FRY: variants seen among roughly 807,000 people sequenced by gnomAD.
The protein encoded by FRY is protein furry homolog.
A neutral mutation model predicts 348.4 loss-of-function variants in FRY; 128 were observed. The ratio of observed to expected loss-of-function variants is 0.37; its 90% CI spans 0.32 to 0.43. The LOEUF (loss-of-function observed/expected upper bound fraction) is 0.43. FRY is among the 20% of genes least tolerant of loss of function. The probability of loss-of-function intolerance (pLI) is 1.00; values close to 1 mark genes in which losing one functional copy is unlikely to be tolerated. For synonymous variants in FRY, 1,370 were observed against 1,374.7 expected (o/e 1.00, Z 0.08); for missense variants, 2,736 against 3,695.2 (o/e 0.74, Z 6.73).
intron 1 of FRY, among the ~76,000 whole-genome samples, chr13:32,077,788 G>A (rs1163246752): frequency 6.6e-6 from 1 of 152,066 alleles, no homozygotes; most frequent in African/African-American, 2.4e-5. Context: ...TCTTGATGTC[G>A]CATCCAGTGT....
chr13:32,258,093 AT>A, intron 51 of FRY: 2 of 782,858 alleles, frequency 2.6e-6, no homozygotes, highest in Non-Finnish European at 4.5e-6. Context: ...TTGCGTGCAT[AT>A]TTCCATTTAG....
Position 32,208,989 on chromosome 13 carries a change from G to GGACGAAGTCAAGGACT in FRY, c.4170_4171insTGACGAAGTCAAGGAC (p.Arg1391Ter). On this transcript the variant is annotated frameshift_variant, in exon 32 of 61. Coordinates refer to ENST00000542859, the MANE Select transcript of FRY (RefSeq NM_023037.3). LOFTEE classifies it high-confidence loss of function. Reference sequence around the variant, plus strand: ...CGGGGTCGAGCCCCAGCAGCCCAGAGGACGAAGTCAAGGACCGGGAAGGTG... The same window carrying GGACGAAGTCAAGGACT: ...CGGGGTCGAGCCCCAGCAGCCCAGAGGACGAAGTCAAGGACTGACGAAGTCAAGGACCGGGAAGGTG... The GGACGAAGTCAAGGACT allele has an allele frequency of 6.2e-7, 1 of 1,614,192 alleles. No homozygotes were observed. Among genetic ancestry groups the GGACGAAGTCAAGGACT allele is most frequent in the Non-Finnish European group, 8.5e-7 (1 of 1,180,036 alleles).
At chr13:32,224,012 C>T (rs376322439) in intron 36 of FRY, among the ~76,000 whole-genome samples, 3 of 152,118 alleles carry the variant, frequency 2.0e-5, no homozygotes, top group African/African-American at 7.2e-5. Context: ...GCTGGGATTA[C>T]AGGCATGAGC....
intron 1 of FRY, among the ~76,000 whole-genome samples, chr13:32,051,544 C>G (rs1374664726): frequency 3.3e-5 from 5 of 152,184 alleles, no homozygotes; most frequent in Non-Finnish European, 7.3e-5. Context: ...CGAGTATACT[C>G]TATTTACAAG....
At chr13:32,207,725 T>G (rs1296750168) in intron 31 of FRY, among the ~76,000 whole-genome samples, 1 of 152,190 alleles carries the variant, frequency 6.6e-6, no homozygotes, top group African/African-American at 2.4e-5. Flanking sequence ...AAATAAAAAA[T>G]TATAATTTTA....
At chr13:32,179,646 C>G (rs750031867) in intron 22 of FRY, 29 bp from the exon 23 acceptor site, 2 of 1,612,998 alleles carry the variant, frequency 1.2e-6, no homozygotes, top group Non-Finnish European at 1.7e-6. Context: ...CATGTTACCT[C>G]TTTTTCACTT....
rs1354918583 is a variant in FRY at position 32,208,430 on chromosome 13, TCCCATTTTA to T, written c.4019-420_4019-412del. Among the ~76,000 whole-genome samples the T allele has an allele frequency of 2.2e-4, 34 of 152,338 alleles. 1 individual carries two copies. In the South Asian group the frequency reaches 6.8e-3, roughly 31 times the overall value. Reference sequence around the variant, plus strand: ...GTAGCCTGATGTGGGGCCCTATCAGTCCCATTTTACCGACAAGGGAACTGAGGAGCAGAG... The same window carrying T: ...GTAGCCTGATGTGGGGCCCTATCAGTCCGACAAGGGAACTGAGGAGCAGAG... On this transcript the variant is annotated intron_variant, in intron 31 of 60. Coordinates refer to ENST00000542859, the MANE Select transcript of FRY (RefSeq NM_023037.3).
chr13:32,172,224 G>T (rs1019472270), intron 18 of FRY, among the ~76,000 whole-genome samples: 1 of 152,038 alleles, frequency 6.6e-6, no homozygotes, highest in Non-Finnish European at 1.5e-5. Context: ...AAATGTGGAT[G>T]TGATAGGGAT....
chr13:32,075,545 G>A (rs1874990885), intron 1 of FRY, among the ~76,000 whole-genome samples: 1 of 152,190 alleles, frequency 6.6e-6, no homozygotes, highest in African/African-American at 2.4e-5. Context: ...GAGAGGGTCT[G>A]ATGATTTTCT....
chr13:32,180,977 G>A (rs534432256), intron 23 of FRY, among the ~76,000 whole-genome samples: 1 of 151,972 alleles, frequency 6.6e-6, no homozygotes, highest in East Asian at 2.0e-4. Context: ...TGCAACCTCC[G>A]CCTTCCAGGT....
intron 31 of FRY, among the ~76,000 whole-genome samples, chr13:32,206,501 T>A (rs1245525063): frequency 6.6e-6 from 1 of 152,032 alleles, no homozygotes; most frequent in African/African-American, 2.4e-5. Context: ...TGAGAAAGAA[T>A]GTAGAAAGAG....
At chr13:32,210,355 G>T (rs1279603482) in intron 33 of FRY, among the ~76,000 whole-genome samples, 1 of 152,226 alleles carries the variant, frequency 6.6e-6, no homozygotes, top group African/African-American at 2.4e-5. Context: ...AAGCCTCACT[G>T]CAGCTTGCAG....
At chr13:32,293,346 A>C (rs1303160924) in intron 59 of FRY, among the ~76,000 whole-genome samples, 1 of 152,232 alleles carries the variant, frequency 6.6e-6, no homozygotes. Flanking sequence ...TTATTTCACT[A>C]AATTTTAAAC....
chr13:32,265,561 A>G lies in FRY; in HGVS notation c.7891A>G (p.Met2631Val), dbSNP rs759532660. 13 of 1,614,090 alleles carry G rather than the reference A, an allele frequency of 8.1e-6. No homozygotes were observed. In the East Asian group the frequency reaches 8.9e-5, roughly 11 times the overall value. The change falls in exon 54 of 61, where the codon ATG (methionine) becomes GTG (valine). Residue 2631 changes from methionine (M) to valine (V), a missense_variant. Physicochemically the swap from Met to Val is conservative, Grantham distance 21 (BLOSUM62 1). Transcript: ENST00000542859. Reference protein sequence around the residue: ...FECSDSFSLDMTEGEEKGNRA... With the variant: ...FECSDSFSLDVTEGEEKGNRA... ...ATGCAGCGACAGCTTTAGCCTGGAC[A>G]TGACTGAGGGGGAAGAAAAAGGCAA...
At chr13:32,127,548 T>C (rs578231833) in intron 7 of FRY, among the ~76,000 whole-genome samples, 30 of 152,266 alleles carry the variant, frequency 2.0e-4, no homozygotes, top group Non-Finnish European at 3.1e-4. Context: ...GAGGCCAAGG[T>C]GGGCGGATCA....
intron 16 of FRY, among the ~76,000 whole-genome samples, chr13:32,158,951 CA>C (rs35585320): frequency 0.073 from 2,411 of 32,860 alleles, 33 homozygotes; most frequent in African/African-American, 0.12. Flanking sequence ...GCTGTTTCCT[CA>C]AAAAAAAAAA....
At chr13:32,079,250 ATTCAGTAGCATGC>A (rs965639202) in intron 2 of FRY, among the ~76,000 whole-genome samples, 1 of 152,242 alleles carries the variant, frequency 6.6e-6, no homozygotes, top group African/African-American at 2.4e-5. Flanking sequence ...AGCAAATACT[ATTCAGTAGCATGC>A]TTCACTGCTG....
rs961249435 is a variant in FRY at position 32,046,720 on chromosome 13, A to C, written c.70+14855A>C. On this transcript the variant is annotated intron_variant, in intron 1 of 60. Transcript: ENST00000542859. Reference sequence around the variant, plus strand: ...CAATACCCACACTACAAAGCAACACAGAATTGTTGCTCTTAATCTTGGATC... The same window carrying C: ...CAATACCCACACTACAAAGCAACACCGAATTGTTGCTCTTAATCTTGGATC... Among the ~76,000 whole-genome samples, 10 of 152,372 alleles carry C rather than the reference A, an allele frequency of 6.6e-5. No homozygotes were observed. The East Asian group carries it at 1.9e-3, about 29-fold the overall frequency.
chr13:32,120,029 T>C (rs1044365271), intron 4 of FRY, among the ~76,000 whole-genome samples: 6 of 152,172 alleles, frequency 3.9e-5, no homozygotes, highest in African/African-American at 1.4e-4. Flanking sequence ...CCCTTTTGAC[T>C]AAAGAGAAAA....
Sources: gnomAD v4.1 joint callset for allele counts (sites outside exome capture counted in the v4.1 genomes callset) on GRCh38, gnomAD v4.1.1 for gene constraint, MANE v1.5 for transcripts, NCBI Gene and HGNC (gene_info 2026-07-23, HGNC 2026-07-21) for gene names.